SYNE4: variants seen among roughly 807,000 people sequenced by gnomAD.
SYNE4 encodes spectrin repeat containing nuclear envelope family member 4.
A neutral mutation model predicts 46.9 loss-of-function variants in SYNE4; 41 were observed. That is an observed-to-expected ratio of 0.87 (90% CI 0.68 to 1.13). The LOEUF (loss-of-function observed/expected upper bound fraction) is 1.13. Ranked by LOEUF, SYNE4 falls within the 50% of genes most tolerant of loss-of-function variation. The pLI is 0.00. For synonymous variants in SYNE4, 221 were observed against 219.5 expected, an observed-to-expected ratio of 1.01 and a Z score of -0.06; for missense variants, 492 against 514.8, an observed-to-expected ratio of 0.96 and a Z score of 0.43.
In SYNE4 at chr19:36,005,391, A is replaced by G; in HGVS notation, c.914T>C (p.Leu305Pro). 6.2e-7 allele frequency: 1 copy of G among 1,614,066 alleles called. No homozygotes were observed. The change falls in exon 6 of 8, where the codon CTC (leucine) becomes CCC (proline). Residue 305 changes from leucine (L) to proline (P), a missense_variant. Coordinates refer to ENST00000324444, the MANE Select transcript of SYNE4 (RefSeq NM_001039876.3). ...HSRQDMLESG[L>P]GHQKRLARHQ... ...ACGTGCTAAGCGTTTCTGGTGGCCG[A>G]GGCCAGACTCCAGCATGTCCTGTCG...
At chr19:36,004,529 C>T (rs1599675167) in intron 6 of SYNE4, among the ~76,000 whole-genome samples, 1 of 152,176 alleles carries the variant, frequency 6.6e-6, no homozygotes, top group South Asian at 2.1e-4. Context: ...TGGAGGTGGG[C>T]GGCTGTCATG....
chr19:36,004,518 T>C (rs908563429), intron 6 of SYNE4, among the ~76,000 whole-genome samples: 1 of 152,354 alleles, frequency 6.6e-6, no homozygotes, highest in South Asian at 2.1e-4. Flanking sequence ...AGTGCCTTAA[T>C]TGGAGGTGGG....
At chr19:36,007,294 GGC>G in intron 2 of SYNE4, 26 bp from the exon 3 acceptor site, 2 of 1,575,672 alleles carry the variant, frequency 1.3e-6, no homozygotes, top group Non-Finnish European at 1.7e-6. Context: ...GCCAGGTCAG[GGC>G]CAGTGGGCCA....
intron 2 of SYNE4, among the ~76,000 whole-genome samples, chr19:36,007,867 T>C (rs1968425800): frequency 6.6e-6 from 1 of 151,338 alleles, no homozygotes; most frequent in South Asian, 2.1e-4. Context: ...CTACTAAAAA[T>C]ACAAAAAATT....
rs765646195 is a variant in SYNE4, at chr19:36,007,219, T to G, written c.329A>C (p.His110Pro). 1 of 1,589,380 alleles carries G rather than the reference T, an allele frequency of 6.3e-7. No individual in the cohort carries two copies. Among genetic ancestry groups the G allele is most frequent in the Non-Finnish European group, 8.6e-7 (1 of 1,168,552 alleles). Residue 110 changes from histidine (H) to proline (P), a missense_variant, in exon 3 of 8, where the codon CAC becomes CCC. Physicochemically the swap from His to Pro is moderately conservative, Grantham distance 77. Coordinates refer to ENST00000324444, the MANE Select transcript of SYNE4 (RefSeq NM_001039876.3). ...EVLEAEQNSL[H>P]LCLLGLGRRL... ...GCGGCCCAGCCCCAGCAGGCACAGG[T>G]GCAGGCTGTTCTGCTCAGCCTCTAG...
rs768526921 is a variant in SYNE4, at chr19:36,003,534, T to C, written c.1032-14A>G. 2.5e-5 allele frequency: 40 copies of C among 1,597,382 alleles called. No homozygotes were observed. The highest frequency in any genetic ancestry group is 2.9e-5 in the Non-Finnish European group (34 of 1,171,644). On this transcript the variant is annotated splice_polypyrimidine_tract_variant and intron_variant, in intron 7 of 7. Coordinates refer to ENST00000324444, the MANE Select transcript of SYNE4 (RefSeq NM_001039876.3). ...GGATCGGGGGCCCTGTGAAGGGAAA[T>C]GCAGTGTTAAACATACAGGTGGGCT...
In SYNE4 at chr19:36,006,530, C is replaced by T; in HGVS notation, c.760G>A (p.Asp254Asn). The change falls in exon 5 of 8, where the codon GAC becomes AAC. Residue 254 changes from aspartate to asparagine, a missense_variant. Coordinates refer to ENST00000324444, the MANE Select transcript of SYNE4 (RefSeq NM_001039876.3). ...CCCAAGGGCCCAAGGCCCCCAATGTCCCCCGCCGGATCCCACTCCAACTCT... is the reference window on the plus strand; with the variant it reads ...CCCAAGGGCCCAAGGCCCCCAATGTTCCCCGCCGGATCCCACTCCAACTCT... ...STELEWDPAG[D>N]IGGLGPLGQK... 6.2e-7 allele frequency: 1 copy of T among 1,607,338 alleles called. No individual in the cohort carries two copies.
In SYNE4 at chr19:36,008,202, GTCACCTCAGC is replaced by G; in HGVS notation, c.279+5_279+14del. ...GGTGGGGCTGGCACAAGGGGTCTGG[GTCACCTCAGC>G]TCACCTCACAGTGTTTGCCCCCAGC... On this transcript the variant is annotated splice_donor_5th_base_variant and intron_variant, in intron 2 of 7. Coordinates refer to ENST00000324444, the MANE Select transcript of SYNE4 (RefSeq NM_001039876.3). 1 of 1,605,396 alleles carries G rather than the reference GTCACCTCAGC, an allele frequency of 6.2e-7. No homozygotes were observed. Among genetic ancestry groups the G allele is most frequent in the South Asian group, 1.1e-5 (1 of 89,958 alleles).
At chr19:36,006,331 ACCT>A (rs1179415911) in intron 5 of SYNE4, 89 bp downstream of exon 5, 2 of 1,469,640 alleles carry the variant, frequency 1.4e-6, no homozygotes, top group East Asian at 2.4e-5. Context: ...AGCCACTGAC[ACCT>A]CCTTGGAAGG....
At chr19:36,005,573 G>A in intron 5 of SYNE4, 136 bp from the exon 6 acceptor site, 1 of 703,368 alleles carries the variant, frequency 1.4e-6, no homozygotes, top group Non-Finnish European at 2.4e-6. Flanking sequence ...AGAGAGGAGA[G>A]AATTATTTAT....
At chr19:36,007,757 C>T (rs1306123084) in intron 2 of SYNE4, among the ~76,000 whole-genome samples, 6 of 151,350 alleles carry the variant, frequency 4.0e-5, no homozygotes, top group South Asian at 2.1e-4. Context: ...GACACGGTGA[C>T]GCACGCCTGT....
rs917480691 is a variant in SYNE4, at chr19:36,007,221, C to T, written c.327G>A (p.Leu109=). The change falls in exon 3 of 8, where the codon CTG becomes CTA. Residue 109 remains leucine, a synonymous_variant. Coordinates refer to ENST00000324444, the MANE Select transcript of SYNE4 (RefSeq NM_001039876.3). Reference sequence around the variant, plus strand: ...GGCCCAGCCCCAGCAGGCACAGGTGCAGGCTGTTCTGCTCAGCCTCTAGTA... The same window carrying T: ...GGCCCAGCCCCAGCAGGCACAGGTGTAGGCTGTTCTGCTCAGCCTCTAGTA... ...LEVLEAEQNS[L]HLCLLGLGRR... The T allele has an allele frequency of 1.3e-6, 2 of 1,590,460 alleles. No homozygotes were observed. Among genetic ancestry groups the T allele is most frequent in the Non-Finnish European group, 8.6e-7 (1 of 1,169,098 alleles).
chr19:36,003,624 C>T lies in SYNE4; in HGVS notation c.1020G>A (p.Glu340=), dbSNP rs186898202. The change falls in exon 7 of 8, where the codon GAG becomes GAA. Residue 340 remains glutamate (E), a synonymous_variant. Coordinates refer to ENST00000324444, the MANE Select transcript of SYNE4 (RefSeq NM_001039876.3). ...ASPHLQDVRL[E]GNPGAPDPAS... ...CTCAGGCACCTCACCCTGGATTCCC[C>T]TCCAGCCTCACATCCTGGAGATGAG... 1,384 of 1,613,252 alleles carry T rather than the reference C, an allele frequency of 8.6e-4. 1 individual carries two copies. Among genetic ancestry groups the T allele is most frequent in the Admixed American group, 1.4e-3 (82 of 59,908 alleles).
chr19:36,005,215 T>C, intron 6 of SYNE4, 118 bp downstream of exon 6: 1 of 1,093,942 alleles, frequency 9.1e-7, no homozygotes, highest in Non-Finnish European at 1.3e-6. Flanking sequence ...GCCTGGACCT[T>C]TCCATTACTT....
In SYNE4 at chr19:36,003,450, C is replaced by A; in HGVS notation, c.1102G>T (p.Val368Leu). The stretch of plus-strand genomic sequence containing the variant: ...GCGGGCAGGAGAAACATGGCACCCA[C>A]CAGGAGGAGGAAGAGGAGGAAGAGG... ...LILFLLFLLL[V>L]GAMFLLPASG... The change falls in exon 8 of 8, where the codon GTG becomes TTG. Residue 368 changes from valine to leucine, a missense_variant. Coordinates refer to ENST00000324444, the MANE Select transcript of SYNE4 (RefSeq NM_001039876.3). The A allele has an allele frequency of 6.2e-7, 1 of 1,613,040 alleles. No individual in the cohort carries two copies. Among genetic ancestry groups the A allele is most frequent in the South Asian group, 1.1e-5 (1 of 90,920 alleles).
At chr19:36,007,002 C>T in intron 3 of SYNE4, 58 bp from the exon 4 acceptor site, 1 of 1,528,034 alleles carries the variant, frequency 6.5e-7, no homozygotes. Flanking sequence ...CCTGGAGTTA[C>T]CCCCCTCCCC....
intron 2 of SYNE4, 69 bp from the exon 3 acceptor site, chr19:36,007,337 C>A (rs1968394236): frequency 2.7e-6 from 4 of 1,476,838 alleles, no homozygotes; most frequent in East Asian, 2.5e-5. Context: ...CCCATCCCCA[C>A]CCCTCTTCTG....
At chr19:36,007,363 T>C in intron 2 of SYNE4, 95 bp from the exon 3 acceptor site, 2 of 1,458,516 alleles carry the variant, frequency 1.4e-6, no homozygotes, top group Non-Finnish European at 1.8e-6. Context: ...TTCTGGAAAC[T>C]TCTCTGTGGC....
At chr19:36,006,271 A>C (rs1417909002) in intron 5 of SYNE4, 152 bp downstream of exon 5, 4 of 1,062,210 alleles carry the variant, frequency 3.8e-6, no homozygotes, top group Non-Finnish European at 5.2e-6. Context: ...AGAGAGAGAA[A>C]CAGTGAGATA....
Sources: allele counts gnomAD v4.1 joint callset (sites outside exome capture counted in the v4.1 genomes callset), GRCh38; gene constraint gnomAD v4.1.1; transcripts MANE v1.5; gene names NCBI Gene and HGNC (gene_info 2026-07-23, HGNC 2026-07-21).